ZNF813: variants seen among roughly 807,000 people sequenced by gnomAD.
The protein encoded by ZNF813 is zinc finger protein 813.
ZNF813 carries 3 observed loss-of-function variants against 7.2 expected under a neutral mutation model. The ratio of observed to expected loss-of-function variants is 0.42; its 90% CI spans 0.19 to 1.08. The LOEUF is 1.08. ZNF813 is among the 50% of genes least tolerant of loss of function. The pLI, the probability that ZNF813 is intolerant of heterozygous loss-of-function variation, is 0.30. For synonymous variants in ZNF813, 227 were observed against 256.3 expected, an observed-to-expected ratio of 0.89 and a Z score of 1.09; for missense variants, 714 against 753.3, an observed-to-expected ratio of 0.95 and a Z score of 0.61.
chr19:53,482,437 G>A (rs1489261988), intron 1 of ZNF813, among the ~76,000 whole-genome samples: 1 of 152,210 alleles, frequency 6.6e-6, no homozygotes, highest in Non-Finnish European at 1.5e-5. Flanking sequence ...CCTCCTGGGA[G>A]CTTGCCCTCA....
At position 53,491,626 on chromosome 19, in the gene ZNF813, A is replaced by T. The variant is rs199600692; in HGVS notation, c.1394A>T (p.Lys465Ile). Residue 465 changes from lysine to isoleucine, a missense_variant, in exon 4 of 4, where the codon AAA becomes ATA. Lys to Ile is a moderately radical substitution (Grantham distance 102). This residue lies in a region of ZNF813 where 563 missense variants were observed against 554.2 expected (regional missense o/e 1.02). Transcript: ENST00000396403. Reference protein sequence around the residue: ...VIHKAIHIGEKRYKCNECGKT... With the variant: ...VIHKAIHIGEIRYKCNECGKT... ...CATAAGGCTATTCATATTGGAGAGA[A>T]ACGTTACAAGTGTAATGAGTGTGGC... 174 of 1,613,900 alleles carry T rather than the reference A, an allele frequency of 1.1e-4. No individual in the cohort carries two copies. The African/African-American group carries it at 2.0e-3, about 19-fold the overall frequency.
In ZNF813 at chr19:53,494,844, G is replaced by GA. The variant is rs2086479882; in HGVS notation, c.*2761dup. The GA allele has an allele frequency of 6.6e-6, 1 of 152,152 alleles. No homozygotes were observed. The highest frequency in any genetic ancestry group is 2.4e-5 in the African/African-American group (1 of 41,420). The allele number at this position is 152,152 out of a possible 1,614,324, so 9.4% of individuals were successfully genotyped here. On this transcript the variant is annotated 3_prime_UTR_variant, in exon 4 of 4. Transcript: ENST00000396403. ...TCAAGACAAGCCTGGGCAACATGGT[G>GA]AAACCCCCTTGTCTACAAAAAATAC...
In ZNF813 at chr19:53,492,289, CT is replaced by C; in HGVS notation, c.*205del. ...CATAGACTTCATAGTGGAGAGAAAC[CT>C]TAGAAATGTGAAGCATGTGACAAAG... On this transcript the variant is annotated 3_prime_UTR_variant, in exon 4 of 4. Transcript: ENST00000396403. 1 of 830,926 alleles carries C rather than the reference CT, an allele frequency of 1.2e-6. No individual in the cohort carries two copies. 51.5% of individuals were successfully genotyped at this position (830,926 alleles called of 1,614,324 possible).
At chr19:53,478,536 G>T (rs1164774043) in intron 1 of ZNF813, among the ~76,000 whole-genome samples, 1 of 152,110 alleles carries the variant, frequency 6.6e-6, no homozygotes, top group South Asian at 2.1e-4. Flanking sequence ...CCAGCACTTT[G>T]GGAGATGGAG....
chr19:53,471,809 CAAAA>C (rs57761931), intron 1 of ZNF813, among the ~76,000 whole-genome samples: 1 of 121,120 alleles, frequency 8.3e-6, no homozygotes, highest in Non-Finnish European at 1.7e-5. Flanking sequence ...GAGACTGTCT[CAAAA>C]AAAAAAAAAA....
intron 1 of ZNF813, among the ~76,000 whole-genome samples, chr19:53,476,968 G>T (rs534748009): frequency 6.6e-6 from 1 of 152,176 alleles, no homozygotes; most frequent in African/African-American, 2.4e-5. Context: ...GGCTGTGGGA[G>T]AGTTTTTAAA....
chr19:53,483,934 C>CT, intron 2 of ZNF813, 97 bp downstream of exon 2: 1 of 1,605,574 alleles, frequency 6.2e-7, no homozygotes, highest in Admixed American at 1.7e-5. Flanking sequence ...AGCATCCTGC[C>CT]TGACAGGTTT....
chr19:53,482,027 C>T (rs1374762675), intron 1 of ZNF813, among the ~76,000 whole-genome samples: 1 of 152,106 alleles, frequency 6.6e-6, no homozygotes, highest in Non-Finnish European at 1.5e-5. Context: ...AGCCTCCCTG[C>T]AACTAGGAGA....
intron 1 of ZNF813, among the ~76,000 whole-genome samples, chr19:53,481,516 T>C (rs1343159572): frequency 6.6e-6 from 1 of 151,848 alleles, no homozygotes; most frequent in Non-Finnish European, 1.5e-5. Context: ...CCCAGCTAAA[T>C]TTTTGGATTT....
Position 53,496,085 on chromosome 19 carries a change from C to T in ZNF813, c.*3999C>T, listed in dbSNP as rs2147166504. 1 of 270,830 alleles carries T rather than the reference C, an allele frequency of 3.7e-6. No homozygotes were observed. The highest frequency in any genetic ancestry group is 3.8e-5 in the Admixed American group (1 of 26,376). The allele number at this position is 270,830 out of a possible 1,614,324, so 16.8% of individuals were successfully genotyped here. A position where few individuals can be genotyped will look rare whatever the true frequency, so the allele number is the denominator to read the frequency against. On this transcript the variant is annotated 3_prime_UTR_variant, in exon 4 of 4. Coordinates refer to ENST00000396403, the MANE Select transcript of ZNF813 (RefSeq NM_001004301.4). ...ACATATTTATGCTGTGTGAGCATTA[C>T]AATCGCGTTACCATATCAAGCTGAA...
chr19:53,495,974 TG>T lies in ZNF813; in HGVS notation c.*3890del. The T allele has an allele frequency of 2.7e-6, 1 of 373,176 alleles. No homozygotes were observed. 23.1% of individuals were successfully genotyped at this position (373,176 alleles called of 1,614,324 possible). A position where few individuals can be genotyped will look rare whatever the true frequency, so the allele number is the denominator to read the frequency against. On this transcript the variant is annotated 3_prime_UTR_variant, in exon 4 of 4. Transcript: ENST00000396403. ...TCCCCCAGTGGATTCAGATCAAAAC[TG>T]GTAATAAAATCAGGTACGACTCCAA...
intron 1 of ZNF813, among the ~76,000 whole-genome samples, chr19:53,482,713 T>G (rs542930209): frequency 3.1e-3 from 32 of 10,316 alleles, no homozygotes; most frequent in South Asian, 6.8e-3. Context: ...ATGCTTTTTG[T>G]TTTTTTTTTT....
chr19:53,477,200 A>C (rs542397986), intron 1 of ZNF813, among the ~76,000 whole-genome samples: 14 of 152,312 alleles, frequency 9.2e-5, no homozygotes, highest in African/African-American at 3.1e-4. Context: ...CAAATCTTGC[A>C]CCAGCCTATA....
At chr19:53,474,880 G>A (rs2086375283) in intron 1 of ZNF813, among the ~76,000 whole-genome samples, 1 of 152,062 alleles carries the variant, frequency 6.6e-6, no homozygotes, top group Non-Finnish European at 1.5e-5. Flanking sequence ...TCTTTGATTT[G>A]GAGTATAACT....
In ZNF813 at chr19:53,493,019, A is replaced by G; in HGVS notation, c.*933A>G. 2.4e-6 allele frequency: 1 copy of G among 419,260 alleles called. No individual in the cohort carries two copies. The highest frequency in any genetic ancestry group is 1.8e-5 in the South Asian group (1 of 55,918). The allele number at this position is 419,260 out of a possible 1,614,324, so 26.0% of individuals were successfully genotyped here. The stretch of plus-strand genomic sequence containing the variant: ...TTCACTCCTTGCAGAATATCAGAAA[A>G]TTCATTTTGAGATAATTGTTCCAAA... On this transcript the variant is annotated 3_prime_UTR_variant, in exon 4 of 4. Transcript: ENST00000396403.
At chr19:53,482,814 T>G (rs2086415826) in intron 1 of ZNF813, among the ~76,000 whole-genome samples, 1 of 150,586 alleles carries the variant, frequency 6.6e-6, no homozygotes, top group Non-Finnish European at 1.5e-5. Flanking sequence ...AACCTCTGTT[T>G]CCTGGGTTCA....
Position 53,491,503 on chromosome 19 carries a change from C to T in ZNF813, c.1271C>T (p.Ala424Val), listed in dbSNP as rs1167471284. The change falls in exon 4 of 4, where the codon GCA becomes GTA. Residue 424 changes from alanine (A) to valine (V), a missense_variant. Physicochemically the swap from Ala to Val is moderately conservative, Grantham distance 64. Coordinates refer to ENST00000396403, the MANE Select transcript of ZNF813 (RefSeq NM_001004301.4). ...NECGKVFNKKANLARHHRLHS... is the reference protein window; with the variant it reads ...NECGKVFNKKVNLARHHRLHS... ...TGTGGCAAGGTTTTTAATAAAAAGG[C>T]AAACCTTGCACGTCATCATAGACTT... The T allele has an allele frequency of 6.2e-7, 1 of 1,613,818 alleles. No homozygotes were observed.
At chr19:53,476,178 CTTA>C (rs1164002243) in intron 1 of ZNF813, among the ~76,000 whole-genome samples, 15 of 152,124 alleles carry the variant, frequency 9.9e-5, no homozygotes, top group Admixed American at 8.5e-4. Flanking sequence ...TATTTTGTAA[CTTA>C]TTTTCTATAG....
intron 1 of ZNF813, among the ~76,000 whole-genome samples, chr19:53,475,971 G>A (rs1287114939): frequency 5.9e-5 from 9 of 151,956 alleles, no homozygotes; most frequent in Admixed American, 1.3e-4. Context: ...TCCTATTAAC[G>A]ACTTAGCCAT....
Sources: gnomAD v4.1 joint callset for allele counts (sites outside exome capture counted in the v4.1 genomes callset) on GRCh38, gnomAD v4.1.1 for gene constraint, gnomAD v4.1.1 regional missense constraint, MANE v1.5 for transcripts, NCBI Gene and HGNC (gene_info 2026-07-23, HGNC 2026-07-21) for gene names.